Variants in CDC40 observed in about 807,000 individuals in gnomAD.
CDC40 encodes the protein pre-mRNA-processing factor 17.
A neutral mutation model predicts 80.6 loss-of-function variants in CDC40; 27 were observed. The ratio of observed to expected loss-of-function variants is 0.33; its 90% CI spans 0.25 to 0.46. CDC40 has a LOEUF of 0.46. Ranked by LOEUF, CDC40 falls within the 20% of genes least tolerant of loss-of-function variation. The pLI, the probability that CDC40 is intolerant of heterozygous loss-of-function variation, is 1.00. For synonymous variants in CDC40, 221 were observed against 232.6 expected, an observed-to-expected ratio of 0.95 and a Z score of 0.45; for missense variants, 486 against 694.1, an observed-to-expected ratio of 0.70 and a Z score of 3.37.
intron 10 of CDC40, among the ~76,000 whole-genome samples, chr6:110,219,005 T>C (rs1777733731): frequency 6.6e-6 from 1 of 152,130 alleles, no homozygotes; most frequent in African/African-American, 2.4e-5. Context: ...CTTCTTAAAC[T>C]TCTTATAAAC....
At chr6:110,218,463 ATTATT>A (rs1777727584) in intron 10 of CDC40, among the ~76,000 whole-genome samples, 1 of 152,196 alleles carries the variant, frequency 6.6e-6, no homozygotes, top group African/African-American at 2.4e-5. Context: ...GGTAAGTACT[ATTATT>A]ATATTATAGA....
chr6:110,194,454 T>A (rs948832847), intron 2 of CDC40, among the ~76,000 whole-genome samples: 2 of 152,250 alleles, frequency 1.3e-5, no homozygotes, highest in Non-Finnish European at 2.9e-5. Context: ...ACTTAAAAGA[T>A]GACCATTGAA....
chr6:110,192,213 AC>A (rs1562200027), intron 1 of CDC40, among the ~76,000 whole-genome samples: 1 of 152,160 alleles, frequency 6.6e-6, no homozygotes, highest in South Asian at 2.1e-4. Flanking sequence ...AATCAGGGAG[AC>A]CAGGTAAGAA....
intron 1 of CDC40, among the ~76,000 whole-genome samples, chr6:110,185,602 A>T (rs1277911019): frequency 6.6e-6 from 1 of 152,128 alleles, no homozygotes; most frequent in African/African-American, 2.4e-5. Flanking sequence ...TGGCCCACAC[A>T]CTGTAGTTAG....
rs540910366 is a variant in CDC40 at position 110,199,371 on chromosome 6, G to A, written c.277-2187G>A. ...AGCACTTTGGGAGGCAGAGGCGGGC[G>A]GATACGAGGTCAGGAGATCGAGACC... On this transcript the variant is annotated intron_variant, in intron 2 of 14. Transcript: ENST00000307731. Among the ~76,000 whole-genome samples the A allele has an allele frequency of 2.4e-4, 37 of 151,854 alleles. No homozygotes were observed. In the East Asian group the frequency reaches 4.5e-3, roughly 18 times the overall value.
chr6:110,201,929 G>T (rs1584069949), intron 3 of CDC40, among the ~76,000 whole-genome samples: 1 of 152,268 alleles, frequency 6.6e-6, no homozygotes, highest in East Asian at 1.9e-4. Context: ...ATCTTAACCA[G>T]AATGCTCTTT....
intron 1 of CDC40, among the ~76,000 whole-genome samples, chr6:110,180,899 C>T (rs1777177169): frequency 6.6e-6 from 1 of 152,190 alleles, no homozygotes; most frequent in East Asian, 1.9e-4. Flanking sequence ...GGATTAGGGA[C>T]ATAGCCTGGA....
intron 1 of CDC40, among the ~76,000 whole-genome samples, chr6:110,185,723 TA>T: frequency 6.6e-6 from 1 of 152,266 alleles, no homozygotes; most frequent in Non-Finnish European, 1.5e-5. Flanking sequence ...AAGATAGCTA[TA>T]AAATTTCCGT....
chr6:110,190,786 G>C (rs1253906488), intron 1 of CDC40, among the ~76,000 whole-genome samples: 1 of 152,076 alleles, frequency 6.6e-6, no homozygotes, highest in African/African-American at 2.4e-5. Flanking sequence ...CTGGTGGTGA[G>C]TCAGCCTTGC....
rs1777250746 is a variant in CDC40 at position 110,185,244 on chromosome 6, T to TTTTC, written c.189+4614_189+4615insCTTT. ...TTCTTTTTCTTCATCTTTTTTTCTT[T>TTTTC]TTTTTTTTTTTTTTTGGAGACGGAG... On this transcript the variant is annotated intron_variant, in intron 1 of 14. Transcript: ENST00000307731. 3.5e-5 allele frequency among the ~76,000 whole-genome samples: 5 copies of TTTTC among 141,998 alleles called. No homozygotes were observed. The South Asian group carries it at 7.0e-4, about 20-fold the overall frequency. 93.2% of individuals were successfully genotyped at this position (141,998 alleles called of 152,430 possible). A position where few individuals can be genotyped will look rare whatever the true frequency, so the allele number is the denominator to read the frequency against.
At chr6:110,189,200 T>G (rs769292981) in intron 1 of CDC40, among the ~76,000 whole-genome samples, 1 of 152,264 alleles carries the variant, frequency 6.6e-6, no homozygotes, top group Non-Finnish European at 1.5e-5. Context: ...TATGAAATAG[T>G]GTGTCTGCTC....
chr6:110,219,336 C>G (rs768284435), intron 10 of CDC40, 28 bp from the exon 11 acceptor site: 1 of 995,820 alleles, frequency 1.0e-6, no homozygotes, highest in Non-Finnish European at 1.6e-6. Flanking sequence ...ATTTATTTTA[C>G]CTATTTAATT....
At chr6:110,224,319 A>G (rs1777823059) in intron 12 of CDC40, 1 of 152,118 alleles carries the variant, frequency 6.6e-6, no homozygotes, top group Non-Finnish European at 1.5e-5. Context: ...TATTTGCAAG[A>G]TATGAGTTAC....
intron 14 of CDC40, 101 bp from the exon 15 acceptor site, chr6:110,229,853 T>C (rs1338444123): frequency 2.9e-6 from 2 of 683,702 alleles, no homozygotes; most frequent in African/African-American, 1.8e-5. Flanking sequence ...ATTGGATTTT[T>C]TTTTTAATGT....
intron 9 of CDC40, among the ~76,000 whole-genome samples, chr6:110,216,313 G>A (rs915026650): frequency 6.6e-6 from 1 of 152,150 alleles, no homozygotes; most frequent in African/African-American, 2.4e-5. Context: ...CGTTGAAACG[G>A]TGTGACTCGT....
At chr6:110,194,781 A>G (rs948800416) in intron 2 of CDC40, among the ~76,000 whole-genome samples, 1 of 152,200 alleles carries the variant, frequency 6.6e-6, no homozygotes. Flanking sequence ...AAGCATTCTG[A>G]TATGTAACAT....
chr6:110,210,974 T>C, intron 6 of CDC40, 171 bp downstream of exon 6: 1 of 298,264 alleles, frequency 3.4e-6, no homozygotes, highest in South Asian at 1.4e-4. Flanking sequence ...GACTTCTGTA[T>C]ACTGATAAAG....
intron 2 of CDC40, among the ~76,000 whole-genome samples, chr6:110,195,054 T>G (rs1419419557): frequency 6.6e-6 from 1 of 152,234 alleles, no homozygotes; most frequent in East Asian, 1.9e-4. Flanking sequence ...AAAAAAGGAC[T>G]GATAGGACTT....
At chr6:110,201,500 A>G (rs1777492094) in intron 2 of CDC40, 58 bp from the exon 3 acceptor site, 1 of 1,334,314 alleles carries the variant, frequency 7.5e-7, no homozygotes, top group African/African-American at 1.5e-5. Flanking sequence ...ACTTCCATAT[A>G]CTCAGAACTT....
Sources: gnomAD v4.1 joint callset for allele counts (sites outside exome capture counted in the v4.1 genomes callset) on GRCh38, gnomAD v4.1.1 for gene constraint, MANE v1.5 for transcripts, NCBI Gene and HGNC (gene_info 2026-07-23, HGNC 2026-07-21) for gene names.